The following ESCO1 variants were observed in gnomAD, a reference collection of about 807,000 sequenced individuals.
ESCO1 encodes establishment of sister chromatid cohesion N-acetyltransferase 1, also known as N-acetyltransferase ESCO1.
ESCO1 carries 33 observed loss-of-function variants against 83.5 expected under a neutral mutation model. The ratio of observed to expected loss-of-function variants is 0.40; its 90% CI spans 0.30 to 0.53. The LOEUF (loss-of-function observed/expected upper bound fraction) is 0.53. Ranked by LOEUF, ESCO1 falls within the 20% of genes least tolerant of loss-of-function variation. The pLI, the probability that ESCO1 is intolerant of heterozygous loss-of-function variation, is 0.63. For missense variants in ESCO1, 855 were observed against 968.0 expected (o/e 0.88, Z 1.55); for synonymous variants, 332 against 324.3 (o/e 1.02, Z -0.25).
chr18:21,554,990 G>A (rs947526347), intron 8 of ESCO1, among the ~76,000 whole-genome samples: 2 of 152,016 alleles, frequency 1.3e-5, no homozygotes, highest in South Asian at 2.1e-4. Context: ...CAGCTACTCC[G>A]GAGGTTGAGG....
rs538099988 is a variant in ESCO1 at position 21,564,082 on chromosome 18, A to G, written c.1821+121T>C. Reference sequence around the variant, plus strand: ...TGCAGATGTCAGGCCATAGAACCACAAGCCAAATAAACCTCTTTTCTATAA... The same window carrying G: ...TGCAGATGTCAGGCCATAGAACCACGAGCCAAATAAACCTCTTTTCTATAA... On this transcript the variant is annotated intron_variant, in intron 7 of 11. Transcript: ENST00000269214. 3.5e-5 allele frequency: 24 copies of G among 682,738 alleles called. 1 individual carries two copies. In the South Asian group the frequency reaches 4.2e-4, roughly 12 times the overall value. The allele number at this position is 682,738 out of a possible 1,614,324, so 42.3% of individuals were successfully genotyped here. A position where few individuals can be genotyped will look rare whatever the true frequency, so the allele number is the denominator to read the frequency against.
chr18:21,565,966 T>C lies in ESCO1; in HGVS notation c.1706+180A>G, dbSNP rs78814251. Among the ~76,000 whole-genome samples, 1,384 of 151,708 alleles carry C rather than the reference T, an allele frequency of 9.1e-3. 22 individuals carry two copies. The highest frequency in any genetic ancestry group is 0.031 in the African/African-American group (1,302 of 41,340). ...ATAAATAAAGAAATAAAGAATGAGGTAGTAGGGTAGAAAAAATGTCCATAG... is the reference window on the plus strand; with the variant it reads ...ATAAATAAAGAAATAAAGAATGAGGCAGTAGGGTAGAAAAAATGTCCATAG... On this transcript the variant is annotated intron_variant, in intron 6 of 11. Coordinates refer to ENST00000269214, the MANE Select transcript of ESCO1 (RefSeq NM_052911.3).
intron 1 of ESCO1, among the ~76,000 whole-genome samples, chr18:21,598,019 T>C (rs971668714): frequency 6.6e-6 from 1 of 151,898 alleles, no homozygotes; most frequent in Non-Finnish European, 1.5e-5. Flanking sequence ...CACAGAAAAA[T>C]ATGAAAGTCA....
intron 2 of ESCO1, among the ~76,000 whole-genome samples, chr18:21,576,910 G>T (rs376703331): frequency 6.6e-6 from 1 of 152,158 alleles, no homozygotes; most frequent in East Asian, 1.9e-4. Context: ...GCAGGCGCCT[G>T]TAATCCCAGC....
chr18:21,596,706 G>A (rs989109357), intron 1 of ESCO1, among the ~76,000 whole-genome samples: 1 of 152,164 alleles, frequency 6.6e-6, no homozygotes, highest in Admixed American at 6.6e-5. Flanking sequence ...ATGATGGCAG[G>A]TGCCTGTAAT....
intron 8 of ESCO1, among the ~76,000 whole-genome samples, chr18:21,546,468 G>A (rs1598982415): frequency 2.0e-5 from 3 of 152,180 alleles, no homozygotes; most frequent in Non-Finnish European, 2.9e-5. Flanking sequence ...GTTGACCATA[G>A]GGCCTAGCAC....
At position 21,566,205 on chromosome 18, in the gene ESCO1, A is replaced by T. The variant is rs751712974; in HGVS notation, c.1647T>A (p.Gly549=). 1 of 1,612,396 alleles carries T rather than the reference A, an allele frequency of 6.2e-7. No homozygotes were observed. The highest frequency in any genetic ancestry group is 1.1e-5 in the South Asian group (1 of 90,778). The change falls in exon 6 of 12, where the codon GGT becomes GGA. Residue 549 remains glycine (G), a splice_region_variant and synonymous_variant. Transcript: ENST00000269214. ...GAATACTATGCTGTTGGGGAGCTGA[A>T]CCTGTAATTTAATCAAGAAGGTGGG... The part of the protein sequence containing the change: ...KIDTGENKFP[G]SAPQQHSILS...
chr18:21,534,801 T>A (rs1192601138), intron 10 of ESCO1, among the ~76,000 whole-genome samples: 1 of 152,030 alleles, frequency 6.6e-6, no homozygotes. Flanking sequence ...ATTTTTGTAT[T>A]TTTAGTAGAG....
intron 2 of ESCO1, among the ~76,000 whole-genome samples, chr18:21,581,953 T>C (rs1350952024): frequency 6.7e-6 from 1 of 149,908 alleles, no homozygotes; most frequent in Non-Finnish European, 1.5e-5. Context: ...CAGCCAGGTG[T>C]GGTGCATACC....
At chr18:21,586,106 T>G (rs2038572571) in intron 1 of ESCO1, among the ~76,000 whole-genome samples, 1 of 152,204 alleles carries the variant, frequency 6.6e-6, no homozygotes, top group Non-Finnish European at 1.5e-5. Context: ...GTCACCCTAG[T>G]GAGCTACCAA....
intron 11 of ESCO1, among the ~76,000 whole-genome samples, chr18:21,530,921 G>A (rs985652124): frequency 1.3e-5 from 2 of 152,064 alleles, no homozygotes; most frequent in African/African-American, 4.8e-5. Flanking sequence ...AAATCATCCA[G>A]ATTGGAAAGA....
At chr18:21,566,390 A>G (rs1598466625) in intron 5 of ESCO1, among the ~76,000 whole-genome samples, 184 bp from the exon 6 acceptor site, 1 of 152,346 alleles carries the variant, frequency 6.6e-6, no homozygotes, top group Non-Finnish European at 1.5e-5. Flanking sequence ...AAAAGGCAGA[A>G]AGGCTGTCTC....
At chr18:21,597,512 T>C (rs971828499) in intron 1 of ESCO1, among the ~76,000 whole-genome samples, 1 of 151,678 alleles carries the variant, frequency 6.6e-6, no homozygotes, top group African/African-American at 2.4e-5. Context: ...AAAAAAAATT[T>C]AATTAAAATT....
At chr18:21,548,209 A>T (rs1216348526) in intron 8 of ESCO1, among the ~76,000 whole-genome samples, 1 of 152,082 alleles carries the variant, frequency 6.6e-6, no homozygotes, top group Non-Finnish European at 1.5e-5. Context: ...AAAATATAGG[A>T]AGGCCAGGTA....
chr18:21,594,679 G>A (rs899651253), intron 1 of ESCO1, among the ~76,000 whole-genome samples: 5 of 147,800 alleles, frequency 3.4e-5, no homozygotes, highest in Middle Eastern at 6.8e-3. Context: ...ACTCCAGCCT[G>A]TGCAACTGAG....
intron 5 of ESCO1, 103 bp from the exon 6 acceptor site, chr18:21,566,309 T>C (rs1256067064): frequency 1.0e-6 from 1 of 973,076 alleles, no homozygotes; most frequent in East Asian, 2.5e-5. Context: ...TTCAATGCAT[T>C]AAATGACTTA....
intron 2 of ESCO1, among the ~76,000 whole-genome samples, chr18:21,577,294 T>C (rs75770061): frequency 7.0e-6 from 1 of 142,976 alleles, no homozygotes; most frequent in Non-Finnish European, 1.5e-5. Flanking sequence ...GAGGCGGAGG[T>C]TGCAGTGAAC....
At chr18:21,578,110 T>A (rs1012610792) in intron 2 of ESCO1, among the ~76,000 whole-genome samples, 3 of 152,028 alleles carry the variant, frequency 2.0e-5, no homozygotes, top group African/African-American at 7.3e-5. Flanking sequence ...TCCAAATACA[T>A]ACAATTTCCA....
At chr18:21,565,465 G>A (rs931229654) in intron 6 of ESCO1, among the ~76,000 whole-genome samples, 3 of 152,162 alleles carry the variant, frequency 2.0e-5, no homozygotes, top group South Asian at 2.1e-4. Flanking sequence ...CTGACAATGC[G>A]GGATAAGTTC....
Sources: allele counts gnomAD v4.1 joint callset (sites outside exome capture counted in the v4.1 genomes callset), GRCh38; gene constraint gnomAD v4.1.1; transcripts MANE v1.5; gene names NCBI Gene and HGNC (gene_info 2026-07-23, HGNC 2026-07-21).